Variants in MAMLD1 observed in about 807,000 individuals in gnomAD.
MAMLD1 encodes the protein mastermind like domain containing 1.
Under a neutral mutation model 45.0 loss-of-function variants are expected in MAMLD1, and 14 were observed. The observed-to-expected ratio is 0.31, with a 90% CI of 0.21 to 0.49. The LOEUF (loss-of-function observed/expected upper bound fraction) is 0.49, where lower values mean the gene tolerates loss of function less well. Ranked by LOEUF, MAMLD1 falls within the 20% of genes least tolerant of loss-of-function variation. MAMLD1 has a pLI of 0.99. For synonymous variants in MAMLD1, 254 were observed against 247.8 expected, an observed-to-expected ratio of 1.02 and a Z score of -0.24; for missense variants, 543 against 603.6, an observed-to-expected ratio of 0.90 and a Z score of 1.05.
At chrX:150,499,398 C>T (rs625952) in intron 5 of MAMLD1, among the ~76,000 whole-genome samples, 1 of 110,133 alleles carries the variant, frequency 9.1e-6, no homozygotes, top group Non-Finnish European at 1.9e-5. Flanking sequence ...TATCCAATCT[C>T]GTCAATAATT....
Position 150,512,801 on chromosome X carries a change from G to A in MAMLD1, c.*842G>A, listed in dbSNP as rs1557409279. 1.7e-6 allele frequency: 2 copies of A among 1,155,836 alleles called. No individual in the cohort carries two copies. The highest frequency in any genetic ancestry group is 3.8e-5 in the South Asian group (2 of 52,744). On this transcript the variant is annotated 3_prime_UTR_variant, in exon 8 of 8. Transcript: ENST00000370401. ...TGCCGTTGCTGCCAGCCAGTTCCCA[G>A]GTCCGTTCGACAGAACGGATATTCC...
chrX:150,469,969 G>A lies in MAMLD1; in HGVS notation c.396G>A (p.Glu132=). Residue 132 remains glutamate (E), a synonymous_variant, in exon 4 of 8, where the codon GAG becomes GAA. Transcript: ENST00000370401. The stretch of plus-strand genomic sequence containing the variant: ...TGGCTGGCCAGTCATTACTGCTGGA[G>A]AATAACCCTATGAATGGCAACATCA... ...MGVAGQSLLL[E]NNPMNGNIMG... 1 of 1,211,679 alleles carries A rather than the reference G, an allele frequency of 8.3e-7. No individual in the cohort carries two copies. The highest frequency in any genetic ancestry group is 1.1e-6 in the Non-Finnish European group (1 of 895,511).
chrX:150,509,592 T>A, intron 6 of MAMLD1: 1 of 217,325 alleles, frequency 4.6e-6, no homozygotes, highest in South Asian at 7.0e-5. Flanking sequence ...ATACTCTGCT[T>A]CTATTAATGC....
Position 150,470,355 on chromosome X carries a change from G to A in MAMLD1, c.782G>A (p.Ser261Asn), listed in dbSNP as rs781960935. 2 of 1,209,530 alleles carry A rather than the reference G, an allele frequency of 1.7e-6. No homozygotes were observed. Among genetic ancestry groups the A allele is most frequent in the Admixed American group, 4.3e-5 (2 of 46,020 alleles). ...LQIPSSSTGI[S>N]YSIPSTSKQI... ...ATCCCATCCTCCTCCACAGGGATCA[G>A]CTATTCGATTCCTTCCACCAGTAAG... Residue 261 changes from serine to asparagine, a missense_variant, in exon 4 of 8, where the codon AGC becomes AAC. Physicochemically the swap from Ser to Asn is conservative, Grantham distance 46. Coordinates refer to ENST00000370401, the MANE Select transcript of MAMLD1 (RefSeq NM_005491.5).
intron 1 of MAMLD1, among the ~76,000 whole-genome samples, chrX:150,387,190 A>G (rs1478240443): frequency 9.0e-6 from 1 of 111,722 alleles, no homozygotes; most frequent in African/African-American, 3.2e-5. Context: ...TAGTTTTAGT[A>G]TAAATATATA....
chrX:150,372,064 T>C (rs2032034939), intron 1 of MAMLD1, among the ~76,000 whole-genome samples: 1 of 111,770 alleles, frequency 8.9e-6, no homozygotes, highest in Non-Finnish European at 1.9e-5. Flanking sequence ...GGCTTTCCTT[T>C]TGAGGCAGAG....
At position 150,512,185 on chromosome X, in the gene MAMLD1, G is replaced by T; in HGVS notation, c.*226G>T. Reference sequence around the variant, plus strand: ...TGATCTCACCAACTCTGGGGAAGCGGCAAGGAATTTTCACCTCCAGCCCCC... The same window carrying T: ...TGATCTCACCAACTCTGGGGAAGCGTCAAGGAATTTTCACCTCCAGCCCCC... On this transcript the variant is annotated 3_prime_UTR_variant, in exon 8 of 8. Transcript: ENST00000370401. The T allele has an allele frequency of 1.4e-5, 16 of 1,138,505 alleles. No individual in the cohort carries two copies. Among genetic ancestry groups the T allele is most frequent in the Non-Finnish European group, 1.9e-5 (16 of 863,452 alleles). The allele number at this position is 1,138,505 out of a possible 1,213,427, so 93.8% of individuals were successfully genotyped here. A position where few individuals can be genotyped will look rare whatever the true frequency, so the allele number is the denominator to read the frequency against.
At chrX:150,415,924 AAGTC>A (rs1381055364) in intron 1 of MAMLD1, among the ~76,000 whole-genome samples, 1 of 112,326 alleles carries the variant, frequency 8.9e-6, no homozygotes, top group African/African-American at 3.2e-5. Context: ...ACAATGGACA[AAGTC>A]AAGCTCAGGA....
chrX:150,401,491 C>G, intron 1 of MAMLD1, among the ~76,000 whole-genome samples: 1 of 104,570 alleles, frequency 9.6e-6, no homozygotes, highest in Non-Finnish European at 2.0e-5. Flanking sequence ...AATGGCCATA[C>G]TGCCCAAGGT....
At chrX:150,383,954 T>C (rs1359558638) in intron 1 of MAMLD1, among the ~76,000 whole-genome samples, 1 of 112,026 alleles carries the variant, frequency 8.9e-6, no homozygotes, top group African/African-American at 3.2e-5. Context: ...TCCTTTTCTT[T>C]GCCAAATAAT....
intron 5 of MAMLD1, among the ~76,000 whole-genome samples, chrX:150,474,123 G>A (rs782811605): frequency 2.7e-5 from 3 of 111,755 alleles, no homozygotes; most frequent in Non-Finnish European, 5.7e-5. Flanking sequence ...GTGCCCAGGG[G>A]CCAGGCATGG....
chrX:150,414,035 A>AAAAG (rs2034191343), intron 1 of MAMLD1, among the ~76,000 whole-genome samples: 1 of 104,132 alleles, frequency 9.6e-6, no homozygotes, highest in African/African-American at 3.4e-5. Context: ...CTGCAAAAAA[A>AAAAG]AAAAAAAAAA....
At chrX:150,369,441 G>A (rs1022557205) in intron 1 of MAMLD1, among the ~76,000 whole-genome samples, 3 of 112,847 alleles carry the variant, frequency 2.7e-5, no homozygotes, top group Non-Finnish European at 5.6e-5. Flanking sequence ...ATATTTTGAA[G>A]GGCAAGGATA....
chrX:150,438,880 G>A, intron 1 of MAMLD1, among the ~76,000 whole-genome samples: 1 of 112,064 alleles, frequency 8.9e-6, no homozygotes, highest in Non-Finnish European at 1.9e-5. Flanking sequence ...GAATTGTGGG[G>A]TCAAATGGTA....
At chrX:150,463,836 GGCTGTCAGGTCAGT>G (rs1299052104) in intron 3 of MAMLD1, among the ~76,000 whole-genome samples, 45 of 111,238 alleles carry the variant, frequency 4.0e-4, no homozygotes, top group Non-Finnish European at 6.6e-4. Context: ...CAGCATCCCT[GGCTGTCAGGTCAGT>G]GCTGTCAGGT....
chrX:150,494,424 T>G (rs1418677815), intron 5 of MAMLD1, among the ~76,000 whole-genome samples: 1 of 110,884 alleles, frequency 9.0e-6, no homozygotes, highest in East Asian at 2.8e-4. Context: ...AAGTAAAAAA[T>G]TAAAACCTGC....
Position 150,489,915 on chromosome X carries a change from G to A in MAMLD1, c.2041-13359G>A, listed in dbSNP as rs73638256. 2.2e-3 allele frequency among the ~76,000 whole-genome samples: 245 copies of A among 111,253 alleles called. 1 individual carries two copies. Among genetic ancestry groups the A allele is most frequent in the African/African-American group, 7.7e-3 (236 of 30,549 alleles). Reference sequence around the variant, plus strand: ...CAATTGGGGCGAGAAAGAGGATTGGGTAAGAAGAGTCTCAGACAGTAGCAC... The same window carrying A: ...CAATTGGGGCGAGAAAGAGGATTGGATAAGAAGAGTCTCAGACAGTAGCAC... On this transcript the variant is annotated intron_variant, in intron 5 of 7. Coordinates refer to ENST00000370401, the MANE Select transcript of MAMLD1 (RefSeq NM_005491.5).
intron 1 of MAMLD1, among the ~76,000 whole-genome samples, chrX:150,398,252 GAGAAGAAGAAGAAGA>G (rs1221742768): frequency 0.014 from 558 of 40,645 alleles, 7 homozygotes; most frequent in East Asian, 0.034. Context: ...GGAGGAGAAG[GAGAAGAAGAAGAAGA>G]AGAAGAAGAA....
At chrX:150,489,194 G>A (rs1321704861) in intron 5 of MAMLD1, among the ~76,000 whole-genome samples, 3 of 111,775 alleles carry the variant, frequency 2.7e-5, no homozygotes, top group Non-Finnish European at 5.6e-5. Flanking sequence ...CACTGTCTTA[G>A]TCAGTTCAGG....
Sources: gnomAD v4.1 joint callset for allele counts (sites outside exome capture counted in the v4.1 genomes callset) on GRCh38, gnomAD v4.1.1 for gene constraint, MANE v1.5 for transcripts, NCBI Gene and HGNC (gene_info 2026-07-23, HGNC 2026-07-21) for gene names.